XXYLT1: variants seen among roughly 807,000 people sequenced by gnomAD.
XXYLT1 encodes UDP-xylose:alpha-xyloside alpha-1,3-xylosyltransferase.
Under a neutral mutation model 28.9 loss-of-function variants are expected in XXYLT1, and 20 were observed. That is an observed-to-expected ratio of 0.69 (90% CI 0.49 to 1.00). The LOEUF is 1.00. Ranked by LOEUF, XXYLT1 falls within the 50% of genes least tolerant of loss-of-function variation. The pLI is 0.00. For missense variants in XXYLT1, 542 were observed against 560.1 expected, an observed-to-expected ratio of 0.97 and a Z score of 0.33; for synonymous variants, 257 against 253.8, an observed-to-expected ratio of 1.01 and a Z score of -0.12.
chr3:195,208,677 G>A (rs540452975), intron 2 of XXYLT1, among the ~76,000 whole-genome samples: 1 of 152,268 alleles, frequency 6.6e-6, no homozygotes, highest in African/African-American at 2.4e-5. Flanking sequence ...TATTCCATTA[G>A]AGAAAGAGAG....
chr3:195,219,657 A>G (rs1232253597), intron 2 of XXYLT1, among the ~76,000 whole-genome samples: 4 of 152,188 alleles, frequency 2.6e-5, no homozygotes, highest in African/African-American at 7.2e-5. Flanking sequence ...AACTACCTGA[A>G]TCTTACACCA....
rs758022652 is a variant in XXYLT1 at position 195,078,004 on chromosome 3, G to C, written c.786-7893C>G. Among the ~76,000 whole-genome samples the C allele has an allele frequency of 2.0e-5, 3 of 152,160 alleles. No homozygotes were observed. The highest frequency in any genetic ancestry group is 2.0e-4 in the Admixed American group (3 of 15,282). ...CAGTCACATGCAGCCCCGGAGCCTC[G>C]GCCCTGGGAGGGGCAAGGGACAGAG... On this transcript the variant is annotated intron_variant, in intron 3 of 3. Coordinates refer to ENST00000310380, the MANE Select transcript of XXYLT1 (RefSeq NM_152531.5). The surrounding 1 kb of genome is among the most constrained non-coding windows in gnomAD (Gnocchi z 5.0).
At chr3:195,125,597 G>C (rs1233679324) in intron 3 of XXYLT1, among the ~76,000 whole-genome samples, 1 of 152,228 alleles carries the variant, frequency 6.6e-6, no homozygotes, top group Non-Finnish European at 1.5e-5. Context: ...CTCTTTCGGT[G>C]GGGGGTCATC....
At chr3:195,224,053 G>C (rs966563403) in intron 2 of XXYLT1, among the ~76,000 whole-genome samples, 3 of 152,330 alleles carry the variant, frequency 2.0e-5, no homozygotes, top group Middle Eastern at 3.4e-3. Flanking sequence ...CTACTCGAGA[G>C]GCTGAGGCAG....
intron 3 of XXYLT1, among the ~76,000 whole-genome samples, chr3:195,098,008 A>G (rs1050359689): frequency 6.6e-6 from 1 of 152,120 alleles, no homozygotes. Context: ...CGGGAGGGGA[A>G]CAGTGTGCTT....
chr3:195,073,190 G>A (rs182161236), intron 3 of XXYLT1, among the ~76,000 whole-genome samples: 21 of 152,320 alleles, frequency 1.4e-4, no homozygotes, highest in African/African-American at 3.4e-4. Flanking sequence ...AAGGAGGTGC[G>A]CTTGGATTTC....
At chr3:195,166,356 C>T (rs1721120691) in intron 2 of XXYLT1, among the ~76,000 whole-genome samples, 1 of 152,126 alleles carries the variant, frequency 6.6e-6, no homozygotes, top group South Asian at 2.1e-4. Context: ...ATGCACCAAA[C>T]TGACAGAACT....
chr3:195,073,966 C>A (rs913277005), intron 3 of XXYLT1, among the ~76,000 whole-genome samples: 7 of 152,146 alleles, frequency 4.6e-5, no homozygotes, highest in African/African-American at 7.2e-5. Flanking sequence ...TCGAGAGAGC[C>A]GGGCTGGAGA....
chr3:195,162,381 C>CG (rs1720916992), intron 2 of XXYLT1, among the ~76,000 whole-genome samples: 1 of 152,098 alleles, frequency 6.6e-6, no homozygotes, highest in Non-Finnish European at 1.5e-5. Context: ...CTCGGATGGT[C>CG]GGGGGGAGAA....
intron 1 of XXYLT1, chr3:195,247,847 G>A (rs1200387896): frequency 2.8e-6 from 2 of 701,830 alleles, no homozygotes; most frequent in East Asian, 2.7e-5. Context: ...TAGTGCAGCA[G>A]GACAGAGAGA....
Position 195,156,553 on chromosome 3 carries a change from T to G in XXYLT1, c.681A>C (p.Leu227=). ...KEILQIIQLD[L]DLKFKTNIRE... ...GGATGTTGGTCTTAAACTTCAGGTC[T>G]AGGTCCAGCTGAATGATCTGCAGGA... The change falls in exon 3 of 4, where the codon CTA becomes CTC. Residue 227 remains leucine (L), a synonymous_variant. Coordinates refer to ENST00000310380, the MANE Select transcript of XXYLT1 (RefSeq NM_152531.5). The G allele has an allele frequency of 6.2e-7, 1 of 1,614,238 alleles. No homozygotes were observed. Among genetic ancestry groups the G allele is most frequent in the Non-Finnish European group, 8.5e-7 (1 of 1,180,046 alleles).
chr3:195,260,354 C>T (rs1358563107), intron 1 of XXYLT1, among the ~76,000 whole-genome samples: 1 of 152,122 alleles, frequency 6.6e-6, no homozygotes, highest in Admixed American at 6.5e-5. Context: ...CCGTGCTGAC[C>T]GCAGCCGCGG....
rs542934697 is a variant in XXYLT1, at chr3:195,112,574, C to T, written c.786-42463G>A. 6.1e-5 allele frequency among the ~76,000 whole-genome samples: 9 copies of T among 147,570 alleles called. No homozygotes were observed. In the South Asian group the frequency reaches 1.9e-3, roughly 32 times the overall value. ...GAACAGCTAGATGAAGCAGTGCACA[C>T]ACACGCACGCACACACACACACGCA... On this transcript the variant is annotated intron_variant, in intron 3 of 3. Coordinates refer to ENST00000310380, the MANE Select transcript of XXYLT1 (RefSeq NM_152531.5).
intron 2 of XXYLT1, among the ~76,000 whole-genome samples, chr3:195,174,354 T>TC (rs1721554471): frequency 6.6e-6 from 1 of 152,082 alleles, no homozygotes; most frequent in Non-Finnish European, 1.5e-5. Context: ...CCTTTTTTTT[T>TC]CTGAGATAGG....
At chr3:195,104,170 GTGACGGTGA>G (rs1716959291) in intron 3 of XXYLT1, among the ~76,000 whole-genome samples, 1 of 151,096 alleles carries the variant, frequency 6.6e-6, no homozygotes, top group African/African-American at 2.4e-5. Context: ...CACACCCACT[GTGACGGTGA>G]TGACGGTGAT....
At chr3:195,108,594 A>AACCTAGATGGTATTGCCCACCACAC (rs1352701064) in intron 3 of XXYLT1, among the ~76,000 whole-genome samples, 1 of 152,210 alleles carries the variant, frequency 6.6e-6, no homozygotes, top group African/African-American at 2.4e-5. Flanking sequence ...GACTTCCACA[A>AACCTAGATGGTATTGCCCACCACAC]ACCTAGATGG....
At chr3:195,144,809 G>T (rs1719746446) in intron 3 of XXYLT1, among the ~76,000 whole-genome samples, 1 of 152,114 alleles carries the variant, frequency 6.6e-6, no homozygotes, top group Non-Finnish European at 1.5e-5. Context: ...CAGCTAAAAG[G>T]GTGTGAGATG....
chr3:195,178,994 G>A (rs1035920191), intron 2 of XXYLT1, among the ~76,000 whole-genome samples: 3 of 152,204 alleles, frequency 2.0e-5, no homozygotes, highest in South Asian at 2.1e-4. Flanking sequence ...GGGCCTTCAC[G>A]TAGTTTCCAC....
intron 2 of XXYLT1, among the ~76,000 whole-genome samples, chr3:195,221,916 A>G (rs369016858): frequency 6.6e-4 from 100 of 152,266 alleles, no homozygotes; most frequent in African/African-American, 2.3e-3. Flanking sequence ...GTGAATCCCC[A>G]ACAAGCAAGG....
Sources: gnomAD v4.1 joint callset for allele counts (sites outside exome capture counted in the v4.1 genomes callset) on GRCh38, gnomAD v4.1.1 for gene constraint, Gnocchi (gnomAD v3.1) non-coding constraint, MANE v1.5 for transcripts, NCBI Gene and HGNC (gene_info 2026-07-23, HGNC 2026-07-21) for gene names.